The following TAFA2 variants were observed in gnomAD, a reference collection of about 807,000 sequenced individuals.
The protein encoded by TAFA2 is TAFA chemokine like family member 2.
Under a neutral mutation model 18.8 loss-of-function variants are expected in TAFA2, and 7 were observed. The ratio of observed to expected loss-of-function variants is 0.37; its 90% CI spans 0.21 to 0.70. The LOEUF (loss-of-function observed/expected upper bound fraction) is 0.70, where lower values mean the gene tolerates loss of function less well. Among genes scored for constraint, TAFA2 ranks in the 30% least tolerant of loss-of-function variants. The pLI is 0.53. For missense variants in TAFA2, 122 were observed against 158.1 expected (o/e 0.77, Z 1.23); for synonymous variants, 60 against 54.2 (o/e 1.11, Z -0.47).
intron 2 of TAFA2, among the ~76,000 whole-genome samples, chr12:61,769,983 C>CA (rs762637553): frequency 3.3e-5 from 5 of 151,358 alleles, no homozygotes; most frequent in Non-Finnish European, 7.4e-5. Context: ...TTTAAAAAAT[C>CA]AAAAAAATGA....
intron 1 of TAFA2, among the ~76,000 whole-genome samples, chr12:62,113,380 C>T (rs1318927380): frequency 6.6e-6 from 1 of 152,142 alleles, no homozygotes; most frequent in East Asian, 1.9e-4. Flanking sequence ...GAGCCACCCA[C>T]CAGATGCCAG....
At chr12:62,251,385 CAG>C (rs2062913093) in intron 1 of TAFA2, among the ~76,000 whole-genome samples, 1 of 152,048 alleles carries the variant, frequency 6.6e-6, no homozygotes, top group African/African-American at 2.4e-5. Context: ...GGGTTACAAA[CAG>C]AATTGAGAGG....
intron 1 of TAFA2, among the ~76,000 whole-genome samples, chr12:62,105,613 C>T (rs140557957): frequency 3.2e-4 from 48 of 152,266 alleles, no homozygotes; most frequent in Admixed American, 1.3e-3. Context: ...AATTTCAAAT[C>T]AGTGCTCATG....
intron 1 of TAFA2, among the ~76,000 whole-genome samples, chr12:61,986,942 C>A (rs968015602): frequency 2.0e-5 from 3 of 152,218 alleles, no homozygotes; most frequent in African/African-American, 7.2e-5. Context: ...ATGCTGCCAT[C>A]TGCTAGTTAT....
At chr12:61,964,760 T>G (rs528873708) in intron 1 of TAFA2, among the ~76,000 whole-genome samples, 1 of 152,042 alleles carries the variant, frequency 6.6e-6, no homozygotes, top group African/African-American at 2.4e-5. Context: ...TGTTCCTTCC[T>G]CTACCACCTC....
intron 1 of TAFA2, among the ~76,000 whole-genome samples, chr12:62,243,991 T>C (rs997214871): frequency 1.3e-5 from 2 of 152,108 alleles, no homozygotes; most frequent in Non-Finnish European, 2.9e-5. Context: ...GGTCTCACTA[T>C]GTTGCCCAGG....
At chr12:61,830,670 G>A (rs1044231057) in intron 2 of TAFA2, among the ~76,000 whole-genome samples, 2 of 151,870 alleles carry the variant, frequency 1.3e-5, no homozygotes, top group Admixed American at 6.6e-5. Context: ...AGTGATGGTT[G>A]CACTAAATGC....
intron 1 of TAFA2, among the ~76,000 whole-genome samples, chr12:62,095,270 G>A (rs1455957235): frequency 1.3e-5 from 2 of 152,132 alleles, no homozygotes; most frequent in Non-Finnish European, 2.9e-5. Flanking sequence ...GCAAGTGAAA[G>A]AAGGGATATA....
intron 1 of TAFA2, among the ~76,000 whole-genome samples, chr12:62,043,483 G>A (rs1881821569): frequency 6.6e-6 from 1 of 152,164 alleles, no homozygotes; most frequent in South Asian, 2.1e-4. Flanking sequence ...GTAGGGGGGA[G>A]GGATAGCATT....
chr12:62,223,596 T>A (rs1184526374), intron 1 of TAFA2, among the ~76,000 whole-genome samples: 1 of 152,236 alleles, frequency 6.6e-6, no homozygotes, highest in African/African-American at 2.4e-5. Flanking sequence ...CAAAAATAGA[T>A]TAAGACCTAA....
In TAFA2 at chr12:61,755,034, CA is replaced by C; in HGVS notation, c.107-11del. 6.2e-7 allele frequency: 1 copy of C among 1,608,754 alleles called. No homozygotes were observed. On this transcript the variant is annotated splice_polypyrimidine_tract_variant and intron_variant, in intron 2 of 4. Transcript: ENST00000416284. ...GTTTTAACATGGTGAGCTGCACAAA[CA>C]AAAAAGATAAGACAACATTGAGAAA...
intron 1 of TAFA2, among the ~76,000 whole-genome samples, chr12:62,199,764 T>C (rs1003576974): frequency 3.9e-5 from 6 of 152,222 alleles, no homozygotes; most frequent in African/African-American, 1.4e-4. Flanking sequence ...CCTTTGGGTA[T>C]ATACCCAGTA....
chr12:61,863,913 A>G (rs1056258783), intron 2 of TAFA2, among the ~76,000 whole-genome samples: 4 of 152,144 alleles, frequency 2.6e-5, no homozygotes, highest in African/African-American at 9.7e-5. Flanking sequence ...ATCTTGCCTC[A>G]AGGAGGGACC....
chr12:62,010,763 C>A (rs1257156791), intron 1 of TAFA2, among the ~76,000 whole-genome samples: 2 of 150,364 alleles, frequency 1.3e-5, no homozygotes, highest in South Asian at 2.1e-4. Flanking sequence ...CCCGGCCCCC[C>A]CGTCTGGGAG....
chr12:61,819,637 T>G (rs1317766228), intron 2 of TAFA2, among the ~76,000 whole-genome samples: 3 of 152,164 alleles, frequency 2.0e-5, no homozygotes, highest in African/African-American at 4.8e-5. Flanking sequence ...CTCTGGCAGG[T>G]GTTCAAGGGT....
intron 1 of TAFA2, among the ~76,000 whole-genome samples, chr12:61,995,092 G>C (rs147140065): frequency 4.6e-4 from 70 of 152,182 alleles, no homozygotes; most frequent in Non-Finnish European, 8.7e-4. Flanking sequence ...ACTCTCAGAG[G>C]CTTCCCATAT....
At chr12:61,907,704 A>G (rs188301132) in intron 1 of TAFA2, among the ~76,000 whole-genome samples, 1 of 152,110 alleles carries the variant, frequency 6.6e-6, no homozygotes, top group Non-Finnish European at 1.5e-5. Flanking sequence ...TGTAGCATGC[A>G]CCTGAAAAAG....
At chr12:62,027,471 G>T (rs1881339268) in intron 1 of TAFA2, among the ~76,000 whole-genome samples, 1 of 152,030 alleles carries the variant, frequency 6.6e-6, no homozygotes, top group African/African-American at 2.4e-5. Context: ...AACAAACAAA[G>T]CAAAAAACAT....
chr12:61,971,827 C>T (rs1248869379), intron 1 of TAFA2, among the ~76,000 whole-genome samples: 2 of 151,838 alleles, frequency 1.3e-5, no homozygotes, highest in Admixed American at 1.3e-4. Flanking sequence ...ACATATGCAA[C>T]AAACTTGCAC....
Sources: gnomAD v4.1 joint callset for allele counts (sites outside exome capture counted in the v4.1 genomes callset) on GRCh38, gnomAD v4.1.1 for gene constraint, MANE v1.5 for transcripts, NCBI Gene and HGNC (gene_info 2026-07-23, HGNC 2026-07-21) for gene names.